HERC6: variants seen among roughly 807,000 people sequenced by gnomAD.
HERC6 encodes the protein probable E3 ubiquitin-protein ligase HERC6.
HERC6 carries 101 observed loss-of-function variants against 114.5 expected under a neutral mutation model. The ratio of observed to expected loss-of-function variants is 0.88; its 90% CI spans 0.75 to 1.04. HERC6 has a LOEUF of 1.04. Among genes scored for constraint, HERC6 ranks in the 50% least tolerant of loss-of-function variants. HERC6 has a pLI of 0.00. For missense variants in HERC6, 1,133 were observed against 1,230.9 expected (o/e 0.92, Z 1.19); for synonymous variants, 408 against 436.2 (o/e 0.94, Z 0.81).
At chr4:88,406,102 T>G (rs764349425) in intron 10 of HERC6, among the ~76,000 whole-genome samples, 17 of 152,234 alleles carry the variant, frequency 1.1e-4, no homozygotes, top group Non-Finnish European at 2.1e-4. Context: ...TGCTCAATAT[T>G]TGGGTCTTCT....
intron 20 of HERC6, among the ~76,000 whole-genome samples, chr4:88,438,699 AAG>A (rs751948730): frequency 1.3e-5 from 2 of 152,224 alleles, no homozygotes; most frequent in Non-Finnish European, 2.9e-5. Flanking sequence ...CAAAAATGTT[AAG>A]AGTTTATTAT....
chr4:88,435,531 A>G (rs13138145), intron 17 of HERC6, among the ~76,000 whole-genome samples, 194 bp from the exon 18 acceptor site: 11,740 of 152,298 alleles, frequency 0.077, 644 homozygotes, highest in Non-Finnish European at 0.12. Flanking sequence ...ATCAATTTGT[A>G]TTCAAAATTA....
At chr4:88,419,411 A>G (rs1736814297) in intron 13 of HERC6, among the ~76,000 whole-genome samples, 1 of 152,240 alleles carries the variant, frequency 6.6e-6, no homozygotes, top group Admixed American at 6.5e-5. Context: ...GACTAGATCT[A>G]AAGATTGACA....
chr4:88,417,557 G>A lies in HERC6; in HGVS notation c.1691G>A (p.Gly564Glu), dbSNP rs772769070. Residue 564 changes from glycine (G) to glutamate (E), a missense_variant, in exon 13 of 23, where the codon GGA becomes GAA. Gly to Glu is a moderately conservative substitution (Grantham distance 98). Around this residue, in one of 3 missense-constraint regions of HERC6, gnomAD observed 735 missense variants for 754.0 expected, o/e 0.97. Coordinates refer to ENST00000264346, the MANE Select transcript of HERC6 (RefSeq NM_017912.4). ...CACTGTAATGTTAAAGCTCTTTTAG[G>A]AATGATGAAAGAACTGCATAAGGTA... ...QDHCNVKALLGMMKELHKVNK... is the reference protein window; with the variant it reads ...QDHCNVKALLEMMKELHKVNK... The A allele has an allele frequency of 6.2e-6, 10 of 1,612,854 alleles. No homozygotes were observed. Among genetic ancestry groups the A allele is most frequent in the Admixed American group, 3.3e-5 (2 of 59,878 alleles).
intron 12 of HERC6, among the ~76,000 whole-genome samples, chr4:88,415,368 C>A (rs1553915869): frequency 6.6e-6 from 1 of 152,118 alleles, no homozygotes; most frequent in Non-Finnish European, 1.5e-5. Flanking sequence ...TTCCAGAAAG[C>A]AAAATCACTG....
At chr4:88,400,497 C>T (rs879603463) in intron 8 of HERC6, among the ~76,000 whole-genome samples, 2 of 152,042 alleles carry the variant, frequency 1.3e-5, no homozygotes, top group African/African-American at 2.4e-5. Flanking sequence ...GTGCCTGGCT[C>T]CCAGTAGTAC....
At chr4:88,434,226 AT>A (rs1328424021) in intron 17 of HERC6, among the ~76,000 whole-genome samples, 1 of 152,214 alleles carries the variant, frequency 6.6e-6, no homozygotes, top group Non-Finnish European at 1.5e-5. Context: ...TAGAGTTCTA[AT>A]CTTCAGTGAT....
Position 88,413,092 on chromosome 4 carries a change from G to A in HERC6, c.1384G>A (p.Glu462Lys), listed in dbSNP as rs368219425. Reference sequence around the variant, plus strand: ...TTTACCACAGATAACTACGTGTCTCGAGGATGATCTGCTCAGAGCTCTTCC... The same window carrying A: ...TTTACCACAGATAACTACGTGTCTCAAGGATGATCTGCTCAGAGCTCTTCC... Reference protein sequence around the residue: ...WISSMITTCLEDDLLRALPCH... With the variant: ...WISSMITTCLKDDLLRALPCH... The change falls in exon 12 of 23, where the codon GAG becomes AAG. Residue 462 changes from glutamate to lysine, a missense_variant. Around this residue, in one of 3 missense-constraint regions of HERC6, gnomAD observed 735 missense variants for 754.0 expected, o/e 0.97. Coordinates refer to ENST00000264346, the MANE Select transcript of HERC6 (RefSeq NM_017912.4). 13 of 1,607,498 alleles carry A rather than the reference G, an allele frequency of 8.1e-6. No homozygotes were observed. The highest frequency in any genetic ancestry group is 5.4e-5 in the African/African-American group (4 of 74,338).
At position 88,390,638 on chromosome 4, in the gene HERC6, C is replaced by T. The variant is rs565650569; in HGVS notation, c.437-14C>T. 13 of 1,576,358 alleles carry T rather than the reference C, an allele frequency of 8.2e-6. No individual in the cohort carries two copies. The highest frequency in any genetic ancestry group is 4.1e-5 in the African/African-American group (3 of 73,946). The stretch of plus-strand genomic sequence containing the variant: ...AATATGTGTACAATTCTTAATTTCT[C>T]GTCTTTGTTGTAGATAGCCAAGTGT... On this transcript the variant is annotated splice_polypyrimidine_tract_variant and intron_variant, in intron 3 of 22. Coordinates refer to ENST00000264346, the MANE Select transcript of HERC6 (RefSeq NM_017912.4).
At chr4:88,418,092 A>C (rs186889279) in intron 13 of HERC6, among the ~76,000 whole-genome samples, 1 of 152,344 alleles carries the variant, frequency 6.6e-6, no homozygotes, top group East Asian at 1.9e-4. Context: ...AATTTTAAAA[A>C]CAAGCAGAGC....
chr4:88,383,407 T>TGGG, intron 2 of HERC6, 27 bp downstream of exon 2: 1 of 1,456,538 alleles, frequency 6.9e-7, no homozygotes, highest in Middle Eastern at 1.8e-4. Flanking sequence ...ACTCCTTCAT[T>TGGG]TATTCAATAT....
intron 8 of HERC6, 79 bp from the exon 9 acceptor site, chr4:88,404,797 A>G: frequency 1.3e-6 from 2 of 1,540,750 alleles, no homozygotes; most frequent in Non-Finnish European, 1.8e-6. Context: ...TTTACCACCC[A>G]TGCCAGGTGA....
At position 88,378,908 on chromosome 4, in the gene HERC6, G is replaced by T; in HGVS notation, c.-14G>T. 1 of 1,574,560 alleles carries T rather than the reference G, an allele frequency of 6.4e-7. No individual in the cohort carries two copies. On this transcript the variant is annotated 5_prime_UTR_variant, in exon 1 of 23. Transcript: ENST00000264346. The stretch of plus-strand genomic sequence containing the variant: ...CGACGGAATCCGGAGCAGGCGACAG[G>T]GCGCAGAAGCGGGATGTACTTCTGT...
Position 88,390,687 on chromosome 4 carries a change from G to T in HERC6, c.472G>T (p.Gly158Trp). The change falls in exon 4 of 23, where the codon GGG becomes TGG. Residue 158 changes from glycine (G) to tryptophan (W), a missense_variant. Gly to Trp is a radical substitution (Grantham distance 184, BLOSUM62 -2). Coordinates refer to ENST00000264346, the MANE Select transcript of HERC6 (RefSeq NM_017912.4). The part of the protein sequence containing the change: ...QVFSWGKNSH[G>W]QLGLGKEFPS... ...GTTTTCGTGGGGAAAGAACAGCCATGGGCAGCTGGGCTTGGGGAAGGAGTT... is the reference window on the plus strand; with the variant it reads ...GTTTTCGTGGGGAAAGAACAGCCATTGGCAGCTGGGCTTGGGGAAGGAGTT... The T allele has an allele frequency of 3.1e-6, 5 of 1,612,400 alleles. No homozygotes were observed. Among genetic ancestry groups the T allele is most frequent in the Non-Finnish European group, 4.2e-6 (5 of 1,178,686 alleles).
intron 12 of HERC6, among the ~76,000 whole-genome samples, chr4:88,414,192 C>G (rs568656639): frequency 6.6e-5 from 10 of 152,158 alleles, no homozygotes; most frequent in Non-Finnish European, 7.4e-5. Context: ...GTACAGAGGG[C>G]CAGGCATTGT....
chr4:88,438,043 T>C (rs1479824386), intron 20 of HERC6, among the ~76,000 whole-genome samples: 1 of 150,394 alleles, frequency 6.6e-6, no homozygotes, highest in East Asian at 2.0e-4. Flanking sequence ...TGAGGATTGC[T>C]TGAACCCAGG....
At chr4:88,435,267 C>T (rs963296540) in intron 17 of HERC6, among the ~76,000 whole-genome samples, 4 of 152,038 alleles carry the variant, frequency 2.6e-5, no homozygotes, top group African/African-American at 9.7e-5. Flanking sequence ...CCCATATGCT[C>T]ATCCCTCTAA....
chr4:88,382,017 C>A (rs1321301919), intron 1 of HERC6, among the ~76,000 whole-genome samples: 3 of 152,054 alleles, frequency 2.0e-5, no homozygotes, highest in Non-Finnish European at 4.4e-5. Context: ...GGTCTTATCA[C>A]CCTCATTTGG....
At position 88,431,229 on chromosome 4, in the gene HERC6, T is replaced by C. The variant is rs1423976638; in HGVS notation, c.2174T>C (p.Phe725Ser). The change falls in exon 17 of 23, where the codon TTT becomes TCT. Residue 725 changes from phenylalanine to serine, a missense_variant. Phe to Ser is a radical substitution (Grantham distance 155). Around this residue, in one of 3 missense-constraint regions of HERC6, gnomAD observed 388 missense variants for 445.9 expected, o/e 0.87. Coordinates refer to ENST00000264346, the MANE Select transcript of HERC6 (RefSeq NM_017912.4). The stretch of plus-strand genomic sequence containing the variant: ...AGTTCAGAGTTCTTCCACTGTATGT[T>C]TGAAGAGATGACCAAGCCAGAATAT... The part of the protein sequence containing the change: ...GVSSEFFHCM[F>S]EEMTKPEYGM... 1.9e-6 allele frequency: 3 copies of C among 1,613,718 alleles called. No individual in the cohort carries two copies. Among genetic ancestry groups the C allele is most frequent in the East Asian group, 4.5e-5 (2 of 44,876 alleles).
Sources: gnomAD v4.1 joint callset for allele counts (sites outside exome capture counted in the v4.1 genomes callset) on GRCh38, gnomAD v4.1.1 for gene constraint, gnomAD v4.1.1 regional missense constraint, MANE v1.5 for transcripts, NCBI Gene and HGNC (gene_info 2026-07-23, HGNC 2026-07-21) for gene names.